Variants in ADGRV1 observed in about 807,000 individuals in gnomAD.
The protein encoded by ADGRV1 is adhesion G protein-coupled receptor V1.
Under a neutral mutation model 596.2 loss-of-function variants are expected in ADGRV1, and 359 were observed. That is an observed-to-expected ratio of 0.60 (90% confidence interval 0.55 to 0.66). The LOEUF (loss-of-function observed/expected upper bound fraction) is 0.66, where lower values mean the gene tolerates loss of function less well. ADGRV1 is among the 30% of genes least tolerant of loss of function. The probability of loss-of-function intolerance (pLI) is 0.00; values close to 1 mark genes in which losing one functional copy is unlikely to be tolerated. For missense variants in ADGRV1, 7,274 were observed against 7,575.6 expected, an observed-to-expected ratio of 0.96 and a Z score of 1.48; for synonymous variants, 2,681 against 2,679.2, an observed-to-expected ratio of 1.00 and a Z score of -0.02.
intron 85 of ADGRV1, among the ~76,000 whole-genome samples, chr5:90,990,671 C>G (rs1172296934): frequency 6.6e-6 from 1 of 152,168 alleles, no homozygotes; most frequent in East Asian, 1.9e-4. Context: ...ATATATTTAT[C>G]GCTTTTGAAA....
chr5:90,674,333 A>G, intron 23 of ADGRV1, 99 bp downstream of exon 23: 1 of 823,674 alleles, frequency 1.2e-6, no homozygotes, highest in Non-Finnish European at 1.8e-6. Context: ...ACGGAAGTAG[A>G]ATGCCTTCAG....
intron 1 of ADGRV1, among the ~76,000 whole-genome samples, chr5:90,596,625 C>CA (rs1224812433): frequency 6.6e-6 from 1 of 152,030 alleles, no homozygotes; most frequent in Non-Finnish European, 1.5e-5. Flanking sequence ...CCGTCTCCAC[C>CA]AAAAAAATAC....
In ADGRV1 at chr5:90,778,546, C is replaced by A. The variant is rs201777525; in HGVS notation, c.12786C>A (p.Ser4262Arg). The A allele has an allele frequency of 1.2e-6, 2 of 1,612,038 alleles. No homozygotes were observed. The highest frequency in any genetic ancestry group is 8.5e-7 in the Non-Finnish European group (1 of 1,178,996). ...SSTANITVVA[S>R]DSPYGRFAFS... ...CTGCCAACATCACGGTGGTGGCCAG[C>A]GACTCTCCCTATGGCCGATTTGCCT... The change falls in exon 63 of 90, where the codon AGC becomes AGA. Residue 4262 changes from serine (S) to arginine (R), a missense_variant. By Grantham distance (110) the Ser-to-Arg change is moderately radical. Coordinates refer to ENST00000405460, the MANE Select transcript of ADGRV1 (RefSeq NM_032119.4).
intron 53 of ADGRV1, among the ~76,000 whole-genome samples, chr5:90,751,714 T>C (rs1051213849): frequency 1.3e-5 from 2 of 152,170 alleles, no homozygotes; most frequent in African/African-American, 4.8e-5. Flanking sequence ...AAAGGAACTC[T>C]CATGGAACTG....
chr5:90,592,897 G>C (rs547215401), intron 1 of ADGRV1, among the ~76,000 whole-genome samples: 1 of 152,276 alleles, frequency 6.6e-6, no homozygotes, highest in South Asian at 2.1e-4. Context: ...ACCAGAATGA[G>C]ATACCATCTC....
In ADGRV1 at chr5:90,693,941, T is replaced by C; in HGVS notation, c.7185T>C (p.Asp2395=). 1 of 1,602,238 alleles carries C rather than the reference T, an allele frequency of 6.2e-7. No individual in the cohort carries two copies. Among genetic ancestry groups the C allele is most frequent in the Non-Finnish European group, 8.5e-7 (1 of 1,171,852 alleles). Reference sequence around the variant, plus strand: ...TGTTCTACAGTACTTCCGACATTGATGTAGTGGCTCTGGCAATGGAGGAAG... The same window carrying C: ...TGTTCTACAGTACTTCCGACATTGACGTAGTGGCTCTGGCAATGGAGGAAG... ...LLLFYSTSDI[D]VVALAMEEGQ... is the part of the protein sequence containing the mutation. The change falls in exon 33 of 90, where the codon GAT becomes GAC. Residue 2395 remains aspartate (D), a synonymous_variant. Transcript: ENST00000405460.
At chr5:91,078,080 A>G (rs1251929220) in intron 86 of ADGRV1, among the ~76,000 whole-genome samples, 1 of 152,184 alleles carries the variant, frequency 6.6e-6, no homozygotes, top group African/African-American at 2.4e-5. Context: ...AACCTGAGGT[A>G]TTTAGAATCT....
intron 87 of ADGRV1, among the ~76,000 whole-genome samples, chr5:91,104,104 T>C (rs2126656566): frequency 6.6e-6 from 1 of 152,324 alleles, no homozygotes; most frequent in East Asian, 1.9e-4. Context: ...ATTAATTTTT[T>C]TTTCATTTTG....
intron 87 of ADGRV1, among the ~76,000 whole-genome samples, chr5:91,136,619 G>C (rs1182755326): frequency 6.6e-6 from 1 of 152,146 alleles, no homozygotes; most frequent in Non-Finnish European, 1.5e-5. Context: ...TTGATCTACA[G>C]CTTACAAATA....
intron 70 of ADGRV1, among the ~76,000 whole-genome samples, chr5:90,799,547 T>C (rs950953446): frequency 1.3e-5 from 2 of 152,152 alleles, no homozygotes; most frequent in Non-Finnish European, 2.9e-5. Flanking sequence ...CAAGCTACCA[T>C]TGACTTTCTT....
intron 21 of ADGRV1, among the ~76,000 whole-genome samples, chr5:90,668,475 A>G (rs981802026): frequency 4.6e-5 from 7 of 152,098 alleles, no homozygotes; most frequent in Admixed American, 4.6e-4. Flanking sequence ...CGGCTCCCGC[A>G]TGGTGCGCGC....
In ADGRV1 at chr5:90,805,142, T is replaced by C. The variant is rs527746750; in HGVS notation, c.14662-142T>C. ...TAAATTTTAAAGTCTGAGATGTTAT[T>C]TCTTAAGCACTTCTCTTTAATTCAG... On this transcript the variant is annotated intron_variant, in intron 71 of 89. Transcript: ENST00000405460. 5 of 482,910 alleles carry C rather than the reference T, an allele frequency of 1.0e-5. No homozygotes were observed. The East Asian group carries it at 1.7e-4, about 16-fold the overall frequency. 29.9% of individuals were successfully genotyped at this position (482,910 alleles called of 1,614,324 possible).
chr5:91,008,357 A>C (rs1782454879), intron 85 of ADGRV1, among the ~76,000 whole-genome samples: 1 of 152,178 alleles, frequency 6.6e-6, no homozygotes, highest in Admixed American at 6.6e-5. Flanking sequence ...TGCATACGGC[A>C]CACTATTCTG....
chr5:90,632,040 G>C (rs1414779228), intron 9 of ADGRV1, among the ~76,000 whole-genome samples: 1 of 149,228 alleles, frequency 6.7e-6, no homozygotes, highest in African/African-American at 2.5e-5. Flanking sequence ...GAATTTAATG[G>C]AATTTTTTTG....
intron 1 of ADGRV1, among the ~76,000 whole-genome samples, chr5:90,611,451 T>C (rs1762722425): frequency 6.6e-6 from 1 of 151,618 alleles, no homozygotes; most frequent in African/African-American, 2.4e-5. Context: ...GAAGAAAGAG[T>C]TTTAATTTCT....
intron 83 of ADGRV1, among the ~76,000 whole-genome samples, chr5:90,892,402 CAA>C (rs1456279722): frequency 1.3e-5 from 2 of 151,856 alleles, no homozygotes; most frequent in Non-Finnish European, 2.9e-5. Flanking sequence ...TCCCAAAGAA[CAA>C]AGTCTTATGT....
chr5:90,959,686 G>A (rs1226792645), intron 83 of ADGRV1, among the ~76,000 whole-genome samples: 1 of 110,378 alleles, frequency 9.1e-6, no homozygotes, highest in Non-Finnish European at 1.7e-5. Flanking sequence ...GCAATTTACT[G>A]GAGGAAAGAT....
intron 85 of ADGRV1, among the ~76,000 whole-genome samples, chr5:91,055,920 A>C (rs1360381917): frequency 3.9e-5 from 6 of 152,228 alleles, no homozygotes; most frequent in African/African-American, 1.4e-4. Flanking sequence ...CCAACAAGAA[A>C]TAAGTTTGTT....
chr5:91,061,307 C>G (rs557842851), intron 85 of ADGRV1, among the ~76,000 whole-genome samples: 1 of 152,288 alleles, frequency 6.6e-6, no homozygotes, highest in Non-Finnish European at 1.5e-5. Flanking sequence ...ATGAAGTTGG[C>G]AAGCGGTGTC....
Sources: gnomAD v4.1 joint callset for allele counts (sites outside exome capture counted in the v4.1 genomes callset) on GRCh38, gnomAD v4.1.1 for gene constraint, MANE v1.5 for transcripts, NCBI Gene and HGNC (gene_info 2026-07-23, HGNC 2026-07-21) for gene names.